The following GRM5 variants were observed in gnomAD, a reference collection of about 807,000 sequenced individuals.
The protein encoded by GRM5 is glutamate metabotropic receptor 5, also known as metabotropic glutamate receptor 5.
GRM5 carries 19 observed loss-of-function variants against 83.1 expected under a neutral mutation model. The ratio of observed to expected loss-of-function variants is 0.23; its 90% CI spans 0.16 to 0.34. The LOEUF is 0.34. GRM5 is among the 10% of genes least tolerant of loss of function. The pLI, the probability that GRM5 is intolerant of heterozygous loss-of-function variation, is 1.00. For synonymous variants in GRM5, 675 were observed against 633.6 expected (o/e 1.07, Z -0.98); for missense variants, 1,160 against 1,588.3 (o/e 0.73, Z 4.58).
intron 2 of GRM5, among the ~76,000 whole-genome samples, chr11:88,899,301 C>T (rs929625212): frequency 2.6e-5 from 4 of 151,718 alleles, no homozygotes; most frequent in African/African-American, 4.8e-5. Context: ...AAAATTTAGA[C>T]GTCCATCAAT....
At chr11:88,767,676 G>A (rs1176783104) in intron 3 of GRM5, among the ~76,000 whole-genome samples, 1 of 150,892 alleles carries the variant, frequency 6.6e-6, no homozygotes, top group Admixed American at 6.6e-5. Context: ...ACCTACTTGA[G>A]GGTGGATGGT....
intron 3 of GRM5, among the ~76,000 whole-genome samples, chr11:88,806,009 A>C (rs1431891693): frequency 6.6e-6 from 1 of 152,200 alleles, no homozygotes; most frequent in South Asian, 2.1e-4. Context: ...TGCCAATAGC[A>C]CTGGAAAGGA....
At chr11:88,642,084 T>C (rs1939310871) in intron 4 of GRM5, among the ~76,000 whole-genome samples, 1 of 152,158 alleles carries the variant, frequency 6.6e-6, no homozygotes, top group South Asian at 2.1e-4. Flanking sequence ...TTGTCTCATA[T>C]AGCTTCTGAA....
At chr11:88,777,240 C>A (rs1942875551) in intron 3 of GRM5, among the ~76,000 whole-genome samples, 1 of 152,202 alleles carries the variant, frequency 6.6e-6, no homozygotes, top group Admixed American at 6.5e-5. Context: ...GCTATTGAAG[C>A]TTATGCATGC....
intron 2 of GRM5, among the ~76,000 whole-genome samples, chr11:88,991,185 G>A (rs1290831441): frequency 6.6e-6 from 1 of 152,074 alleles, no homozygotes; most frequent in Non-Finnish European, 1.5e-5. Flanking sequence ...CAAAATCAAT[G>A]TACAAAAATC....
chr11:88,643,007 A>C (rs769595894), intron 4 of GRM5, among the ~76,000 whole-genome samples: 1 of 151,968 alleles, frequency 6.6e-6, no homozygotes, highest in African/African-American at 2.4e-5. Context: ...CTTTATAGCA[A>C]TGTCCCACTC....
intron 2 of GRM5, among the ~76,000 whole-genome samples, chr11:89,002,320 A>T (rs1940406755): frequency 6.6e-6 from 1 of 152,148 alleles, no homozygotes; most frequent in African/African-American, 2.4e-5. Context: ...GCTAGTGGAT[A>T]TATTTAGCAA....
chr11:89,009,930 A>AAC (rs1316250515), intron 2 of GRM5, among the ~76,000 whole-genome samples: 1 of 100,122 alleles, frequency 1.0e-5, no homozygotes, highest in African/African-American at 3.1e-5. Context: ...AAAAAAAAAA[A>AAC]CACACACAAA....
At chr11:88,780,576 T>A (rs1281678977) in intron 3 of GRM5, among the ~76,000 whole-genome samples, 2 of 152,192 alleles carry the variant, frequency 1.3e-5, no homozygotes, top group African/African-American at 4.8e-5. Flanking sequence ...CAGGTAATAT[T>A]CAGATGAAAG....
intron 8 of GRM5, among the ~76,000 whole-genome samples, chr11:88,536,199 G>A (rs1942125612): frequency 6.6e-6 from 1 of 152,098 alleles, no homozygotes; most frequent in East Asian, 1.9e-4. Context: ...ATATATTGAA[G>A]AATTGGCATG....
Position 88,807,784 on chromosome 11 carries a change from T to C in GRM5, c.911+42122A>G, listed in dbSNP as rs551573449. ...TTTTTAGGCATCTGAAATTAATGAA[T>C]TGCAAAATTCAAATAACATGTTTTA... On this transcript the variant is annotated intron_variant, in intron 3 of 9. Transcript: ENST00000305447. Among the ~76,000 whole-genome samples, 5 of 152,168 alleles carry C rather than the reference T, an allele frequency of 3.3e-5. No homozygotes were observed. In the South Asian group the frequency reaches 8.3e-4, roughly 25 times the overall value.
In GRM5 at chr11:88,562,833, T is replaced by C. The variant is rs75849620; in HGVS notation, c.2630+4220A>G. On this transcript the variant is annotated intron_variant, in intron 8 of 9. Transcript: ENST00000305447. ...GTCACTTTCCCATATTCTCTTATAT[T>C]AGACAGTTTGGGCCAGTGAGACACA... 3.2e-3 allele frequency among the ~76,000 whole-genome samples: 485 copies of C among 152,286 alleles called. 7 individuals are homozygous for C. The East Asian group carries it at 0.059, about 19-fold the overall frequency.
intron 3 of GRM5, among the ~76,000 whole-genome samples, chr11:88,705,609 TTTG>T (rs1290002249): frequency 2.4e-4 from 2 of 8,172 alleles, no homozygotes; most frequent in African/African-American, 3.0e-4. Flanking sequence ...GGGTTTTTTG[TTTG>T]TTTTTTTTTC....
chr11:88,747,323 T>C (rs1903851), intron 3 of GRM5, among the ~76,000 whole-genome samples: 22,614 of 152,114 alleles, frequency 0.15, 1,978 homozygotes, highest in African/African-American at 0.23. Flanking sequence ...ACTTAAGCAT[T>C]GGAGATAAAC....
intron 2 of GRM5, among the ~76,000 whole-genome samples, chr11:88,964,172 G>A (rs1938873784): frequency 2.0e-5 from 3 of 152,082 alleles, no homozygotes; most frequent in Admixed American, 1.3e-4. Context: ...CCCTGAAAAA[G>A]TACTTTACCT....
chr11:89,002,818 C>G (rs796110282), intron 2 of GRM5, among the ~76,000 whole-genome samples: 2 of 152,070 alleles, frequency 1.3e-5, no homozygotes, highest in South Asian at 2.1e-4. Flanking sequence ...ATGCTTCCCC[C>G]CCAGAGAGCC....
At chr11:88,889,905 G>C (rs949346110) in intron 2 of GRM5, among the ~76,000 whole-genome samples, 6 of 152,162 alleles carry the variant, frequency 3.9e-5, no homozygotes, top group Non-Finnish European at 7.4e-5. Context: ...CAGGAATTAA[G>C]AGCAGATAGT....
At chr11:88,845,423 C>CCTTTTT (rs1944282712) in intron 3 of GRM5, among the ~76,000 whole-genome samples, 1 of 92,448 alleles carries the variant, frequency 1.1e-5, no homozygotes, top group Admixed American at 1.3e-4. Flanking sequence ...ATAAACATAA[C>CCTTTTT]TTTTTTTTTT....
intron 2 of GRM5, among the ~76,000 whole-genome samples, chr11:88,951,203 AG>A (rs1378322719): frequency 1.3e-5 from 2 of 152,196 alleles, no homozygotes; most frequent in Admixed American, 6.5e-5. Flanking sequence ...GAAACCTGAA[AG>A]AGAGTGGTTA....
Sources: allele counts gnomAD v4.1 joint callset (sites outside exome capture counted in the v4.1 genomes callset), GRCh38; gene constraint gnomAD v4.1.1; transcripts MANE v1.5; gene names NCBI Gene and HGNC (gene_info 2026-07-23, HGNC 2026-07-21).